The following SORCS2 variants were observed in gnomAD, a reference collection of about 807,000 sequenced individuals.
SORCS2 encodes the protein sortilin related VPS10 domain containing receptor 2, also known as VPS10 domain-containing receptor SorCS2.
In SORCS2, 100 loss-of-function variants were observed where a neutral mutation model predicts 141.6. The observed-to-expected ratio is 0.71, with a 90% CI of 0.60 to 0.83. SORCS2 has a LOEUF of 0.83. Ranked by LOEUF, SORCS2 falls within the 40% of genes least tolerant of loss-of-function variation. The pLI, the probability that SORCS2 is intolerant of heterozygous loss-of-function variation, is 0.00. For synonymous variants in SORCS2, 789 were observed against 676.9 expected (o/e 1.17, Z -2.57); for missense variants, 1,646 against 1,560.2 (o/e 1.05, Z -0.93).
intron 1 of SORCS2, among the ~76,000 whole-genome samples, chr4:7,380,159 G>A (rs550570399): frequency 3.4e-4 from 52 of 152,322 alleles, no homozygotes; most frequent in African/African-American, 1.1e-3. Flanking sequence ...TGTCAGAGAC[G>A]TGCTCAGCCC....
intron 3 of SORCS2, among the ~76,000 whole-genome samples, chr4:7,568,711 C>T (rs1715185152): frequency 6.6e-6 from 1 of 152,236 alleles, no homozygotes; most frequent in Non-Finnish European, 1.5e-5. Context: ...AAATATCCCA[C>T]CAGGTTCCTG....
At chr4:7,445,751 G>A (rs1727951468) in intron 2 of SORCS2, among the ~76,000 whole-genome samples, 1 of 152,152 alleles carries the variant, frequency 6.6e-6, no homozygotes, top group Non-Finnish European at 1.5e-5. Context: ...CAGGGTTGAG[G>A]CAGACCCAAC....
intron 14 of SORCS2, among the ~76,000 whole-genome samples, chr4:7,712,360 C>T (rs142626227): frequency 6.6e-6 from 1 of 152,314 alleles, no homozygotes; most frequent in Non-Finnish European, 1.5e-5. Context: ...CAGATCATTC[C>T]GCAAAACAAT....
chr4:7,734,878 A>G (rs1712039593), intron 25 of SORCS2, among the ~76,000 whole-genome samples: 1 of 151,998 alleles, frequency 6.6e-6, no homozygotes, highest in South Asian at 2.1e-4. Context: ...TCCCGTGGGG[A>G]GGGCTCTGGG....
intron 3 of SORCS2, among the ~76,000 whole-genome samples, chr4:7,597,598 C>A (rs1338205393): frequency 8.1e-6 from 1 of 122,868 alleles, no homozygotes; most frequent in Non-Finnish European, 1.7e-5. Context: ...AAGGGAGGGG[C>A]TTTTGCAACT....
intron 8 of SORCS2, among the ~76,000 whole-genome samples, chr4:7,674,587 A>T (rs1231738931): frequency 2.8e-4 from 35 of 126,104 alleles, no homozygotes; most frequent in East Asian, 7.3e-4. Context: ...ATAAAAAAAA[A>T]AAAAAAAAAA....
intron 1 of SORCS2, among the ~76,000 whole-genome samples, chr4:7,202,401 G>A (rs1174235470): frequency 6.6e-6 from 1 of 151,888 alleles, no homozygotes; most frequent in East Asian, 1.9e-4. Context: ...CTTTTGAGGT[G>A]GAAAATCTCC....
At chr4:7,641,905 G>C (rs866191953) in intron 4 of SORCS2, among the ~76,000 whole-genome samples, 7 of 150,876 alleles carry the variant, frequency 4.6e-5, no homozygotes, top group Middle Eastern at 6.9e-3. Flanking sequence ...TGGGTGGTTG[G>C]ATGGATGTGT....
At position 7,215,025 on chromosome 4, in the gene SORCS2, G is replaced by A. The variant is rs185975838; in HGVS notation, c.480+21899G>A. Among the ~76,000 whole-genome samples the A allele has an allele frequency of 1.6e-3, 251 of 152,228 alleles. 1 individual carries two copies. Among genetic ancestry groups the A allele is most frequent in the African/African-American group, 5.2e-3 (217 of 41,544 alleles). The stretch of plus-strand genomic sequence containing the variant: ...GTCCTCTGCCTGGGCTCCCACTTTG[G>A]CGGCACTTGAGGAGCCCTTCAGCCC... On this transcript the variant is annotated intron_variant, in intron 1 of 26. Transcript: ENST00000507866.
chr4:7,340,663 G>A (rs145567231), intron 1 of SORCS2, among the ~76,000 whole-genome samples: 2 of 152,332 alleles, frequency 1.3e-5, no homozygotes, highest in Non-Finnish European at 2.9e-5. Flanking sequence ...TTGCACACCT[G>A]TGGGTGGAAA....
At chr4:7,579,328 C>A (rs1459760724) in intron 3 of SORCS2, among the ~76,000 whole-genome samples, 1 of 152,004 alleles carries the variant, frequency 6.6e-6, no homozygotes, top group African/African-American at 2.4e-5. Flanking sequence ...CTACAAAATC[C>A]CATGCGCTGG....
chr4:7,260,866 C>G (rs549685166), intron 1 of SORCS2, among the ~76,000 whole-genome samples: 2 of 152,236 alleles, frequency 1.3e-5, no homozygotes, highest in Admixed American at 6.5e-5. Context: ...TTCTTACAAC[C>G]TCCCCCGAGC....
chr4:7,394,582 G>T (rs1292410303), intron 1 of SORCS2, among the ~76,000 whole-genome samples: 1 of 151,966 alleles, frequency 6.6e-6, no homozygotes, highest in African/African-American at 2.4e-5. Context: ...CCAAATGCTG[G>T]GGTTTAGAAT....
intron 1 of SORCS2, among the ~76,000 whole-genome samples, chr4:7,292,861 T>G (rs966214171): frequency 7.9e-5 from 12 of 152,196 alleles, no homozygotes; most frequent in Non-Finnish European, 1.5e-4. Context: ...CAGAAGGCAT[T>G]TACTAATTAA....
chr4:7,326,875 G>A (rs1719298433), intron 1 of SORCS2, among the ~76,000 whole-genome samples: 2 of 152,222 alleles, frequency 1.3e-5, no homozygotes, highest in African/African-American at 2.4e-5. Context: ...CTGGCACAAG[G>A]CCAGCACGCC....
chr4:7,222,323 C>G (rs1181268630), intron 1 of SORCS2, among the ~76,000 whole-genome samples: 1 of 152,192 alleles, frequency 6.6e-6, no homozygotes, highest in Non-Finnish European at 1.5e-5. Flanking sequence ...GAATGGAGCT[C>G]TGACACCTGA....
At chr4:7,516,752 G>T (rs1279039082) in intron 2 of SORCS2, among the ~76,000 whole-genome samples, 1 of 152,182 alleles carries the variant, frequency 6.6e-6, no homozygotes, top group Non-Finnish European at 1.5e-5. Flanking sequence ...ACCAGGAAGG[G>T]AGCCTCCCCT....
intron 1 of SORCS2, among the ~76,000 whole-genome samples, chr4:7,381,741 C>T (rs906071524): frequency 1.3e-5 from 2 of 152,204 alleles, no homozygotes; most frequent in Non-Finnish European, 2.9e-5. Flanking sequence ...CTGACTCCCG[C>T]CCCCACCCAG....
chr4:7,366,240 C>T (rs1560221896), intron 1 of SORCS2, among the ~76,000 whole-genome samples: 2 of 152,002 alleles, frequency 1.3e-5, no homozygotes, highest in Non-Finnish European at 2.9e-5. Context: ...CCCTTCCGTC[C>T]TTCCCTTCCT....
Sources: gnomAD v4.1 joint callset for allele counts (sites outside exome capture counted in the v4.1 genomes callset) on GRCh38, gnomAD v4.1.1 for gene constraint, MANE v1.5 for transcripts, NCBI Gene and HGNC (gene_info 2026-07-23, HGNC 2026-07-21) for gene names.